Variants in CEP295 observed in about 807,000 individuals in gnomAD.
The protein encoded by CEP295 is centrosomal protein 295.
Under a neutral mutation model 291.6 loss-of-function variants are expected in CEP295, and 190 were observed. The ratio of observed to expected loss-of-function variants is 0.65; its 90% CI spans 0.58 to 0.73. The LOEUF is 0.73. Ranked by LOEUF, CEP295 falls within the 30% of genes least tolerant of loss-of-function variation. The probability of loss-of-function intolerance (pLI) is 0.00; values close to 1 mark genes in which losing one functional copy is unlikely to be tolerated. For missense variants in CEP295, 2,863 were observed against 2,949.4 expected (o/e 0.97, Z 0.68); for synonymous variants, 993 against 1,038.8 (o/e 0.96, Z 0.85).
At chr11:93,725,050 T>C (rs1591163577) in intron 22 of CEP295, among the ~76,000 whole-genome samples, 1 of 151,016 alleles carries the variant, frequency 6.6e-6, no homozygotes, top group African/African-American at 2.4e-5. Flanking sequence ...AGGCCAGGAG[T>C]TTGAGATCAG....
intron 6 of CEP295, among the ~76,000 whole-genome samples, chr11:93,678,880 G>A (rs12272963): frequency 0.037 from 5,591 of 152,052 alleles, 233 homozygotes; most frequent in African/African-American, 0.097. Flanking sequence ...TTTTTGAGAT[G>A]GAGTCTTGTT....
chr11:93,727,591 T>G lies in CEP295; in HGVS notation c.7115T>G (p.Phe2372Cys). Residue 2372 changes from phenylalanine to cysteine, a missense_variant, in exon 24 of 30, where the codon TTT (phenylalanine) becomes TGT (cysteine). Physicochemically the swap from Phe to Cys is radical, Grantham distance 205. Around this residue, in one of 3 missense-constraint regions of CEP295, gnomAD observed 2,295 missense variants for 2,335.7 expected, o/e 0.98. Coordinates refer to ENST00000325212, the MANE Select transcript of CEP295 (RefSeq NM_033395.2). ...KLSQLGESELFASSGSFSLQS... is the reference protein window; with the variant it reads ...KLSQLGESELCASSGSFSLQS... ...TCTCAACTAGGAGAATCAGAGCTTTTTGCAAGTTCTGGATCATTTTCATTA... is the reference window on the plus strand; with the variant it reads ...TCTCAACTAGGAGAATCAGAGCTTTGTGCAAGTTCTGGATCATTTTCATTA... 1.3e-6 allele frequency: 2 copies of G among 1,550,834 alleles called. No homozygotes were observed. Among genetic ancestry groups the G allele is most frequent in the Non-Finnish European group, 1.7e-6 (2 of 1,146,766 alleles).
At position 93,703,544 on chromosome 11, in the gene CEP295, T is replaced by C. The variant is rs145250805; in HGVS notation, c.5596+625T>C. ...TCCCCGTTTCCTTTCATGTCTGCCT[T>C]CTAAATGTGTTTCTTTTAGGATACA... On this transcript the variant is annotated intron_variant, in intron 17 of 29. Transcript: ENST00000325212. Among the ~76,000 whole-genome samples, 282 of 151,976 alleles carry C rather than the reference T, an allele frequency of 1.9e-3. 3 individuals carry two copies. The East Asian group carries it at 0.046, about 25-fold the overall frequency.
intron 13 of CEP295, 137 bp downstream of exon 13, chr11:93,695,771 G>A: frequency 1.0e-6 from 1 of 1,002,504 alleles, no homozygotes; most frequent in Non-Finnish European, 1.4e-6. Context: ...AGCACTTTGG[G>A]TGGCCGAGAC....
chr11:93,700,240 G>A (rs959897800), intron 15 of CEP295, 54 bp downstream of exon 15: 7 of 1,387,836 alleles, frequency 5.0e-6, no homozygotes, highest in Admixed American at 5.5e-5. Context: ...ACCCAAATCA[G>A]TTTTTAATAC....
chr11:93,705,455 C>T (rs1484478987), intron 17 of CEP295, among the ~76,000 whole-genome samples: 1 of 151,868 alleles, frequency 6.6e-6, no homozygotes, highest in African/African-American at 2.4e-5. Flanking sequence ...TTTTTCTTCT[C>T]TTTCTTTTTC....
chr11:93,685,186 C>T (rs1444359282), intron 9 of CEP295, among the ~76,000 whole-genome samples: 2 of 152,224 alleles, frequency 1.3e-5, no homozygotes, highest in African/African-American at 4.8e-5. Context: ...AAGTCCTCTT[C>T]ATGGAATTCA....
At position 93,702,769 on chromosome 11, in the gene CEP295, T is replaced by TTA. The variant is rs1304199320; in HGVS notation, c.5453-6_5453-5dup. ...TATTGTATCCAACTTTGTCATTGAC[T>TTA]TAATAGGTGAGCATCTGGAGAAAGA... On this transcript the variant is annotated splice_region_variant and splice_polypyrimidine_tract_variant and intron_variant, in intron 16 of 29. Transcript: ENST00000325212. 14 of 1,551,072 alleles carry TTA rather than the reference T, an allele frequency of 9.0e-6. No homozygotes were observed. The East Asian group carries it at 2.2e-4, about 24-fold the overall frequency.
At chr11:93,676,175 G>A (rs879278003) in intron 6 of CEP295, among the ~76,000 whole-genome samples, 27 of 151,698 alleles carry the variant, frequency 1.8e-4, no homozygotes, top group African/African-American at 4.4e-4. Context: ...TATCTTGCAC[G>A]TTTTTATCCA....
Position 93,698,791 on chromosome 11 carries a change from C to A in CEP295, c.3879C>A (p.Pro1293=), listed in dbSNP as rs763165266. The change falls in exon 15 of 30, where the codon CCC becomes CCA. Residue 1293 remains proline (P), a synonymous_variant. Coordinates refer to ENST00000325212, the MANE Select transcript of CEP295 (RefSeq NM_033395.2). ...AAACTGGTTCATCTTCATTCATACC[C>A]CAGTTGGTACAGCTTTCATTTACTT... is the stretch of plus-strand genomic sequence containing the variant. ...SEQTGSSSFI[P]QLVQLSFTSL... The A allele has an allele frequency of 1.3e-6, 2 of 1,551,556 alleles. No individual in the cohort carries two copies. The highest frequency in any genetic ancestry group is 2.0e-5 in the Admixed American group (1 of 50,982).
At chr11:93,666,931 G>A in intron 2 of CEP295, 116 bp downstream of exon 2, 2 of 582,698 alleles carry the variant, frequency 3.4e-6, no homozygotes, top group Non-Finnish European at 5.9e-6. Context: ...GTATACGAGA[G>A]CCCTGGTTAT....
chr11:93,707,026 T>C, intron 18 of CEP295, 129 bp downstream of exon 18: 1 of 792,614 alleles, frequency 1.3e-6, no homozygotes, highest in East Asian at 2.8e-5. Flanking sequence ...GGAATCGTTA[T>C]GATGCAGTTA....
chr11:93,689,433 C>A (rs1184471431), intron 10 of CEP295, among the ~76,000 whole-genome samples: 1 of 152,226 alleles, frequency 6.6e-6, no homozygotes, highest in Non-Finnish European at 1.5e-5. Flanking sequence ...TCTCAGACAG[C>A]AAACATAGGA....
chr11:93,722,459 C>G (rs1479646102), intron 20 of CEP295: 2 of 158,616 alleles, frequency 1.3e-5, no homozygotes, highest in Admixed American at 6.3e-5. Context: ...GAAACCCTGT[C>G]TCAAAAAAAA....
chr11:93,682,369 G>C (rs926863743), intron 7 of CEP295, among the ~76,000 whole-genome samples: 3 of 152,028 alleles, frequency 2.0e-5, no homozygotes, highest in Non-Finnish European at 2.9e-5. Context: ...CATTTCAGGC[G>C]CATGCCGTCA....
Position 93,728,633 on chromosome 11 carries a change from C to T in CEP295, c.7162-48C>T, listed in dbSNP as rs1162769236. ...TATATACAAAACGATTAGTTTAAGT[C>T]TTTTAAGGCTATTTTGACATGGTTT... On this transcript the variant is annotated intron_variant, in intron 24 of 29. Transcript: ENST00000325212. 5.4e-6 allele frequency: 8 copies of T among 1,480,380 alleles called. No individual in the cohort carries two copies. In the South Asian group the frequency reaches 9.5e-5, roughly 18 times the overall value. 91.7% of individuals were successfully genotyped at this position (1,480,380 alleles called of 1,614,324 possible). A position where few individuals can be genotyped will look rare whatever the true frequency, so the allele number is the denominator to read the frequency against.
intron 12 of CEP295, among the ~76,000 whole-genome samples, chr11:93,692,815 A>G (rs1951634911): frequency 1.3e-5 from 2 of 151,348 alleles, no homozygotes; most frequent in Non-Finnish European, 2.9e-5. Context: ...TCTACTAAAA[A>G]TACAAAAATC....
intron 7 of CEP295, among the ~76,000 whole-genome samples, chr11:93,681,930 C>T (rs1271446243): frequency 6.6e-6 from 1 of 151,390 alleles, no homozygotes; most frequent in East Asian, 2.0e-4. Context: ...AATGAGTTTT[C>T]CAAAGCCCTT....
At chr11:93,677,025 G>A (rs752256123) in intron 6 of CEP295, among the ~76,000 whole-genome samples, 3 of 152,060 alleles carry the variant, frequency 2.0e-5, no homozygotes, top group African/African-American at 4.8e-5. Flanking sequence ...TCAGAAATGG[G>A]TTTATTACTG....
Sources: gnomAD v4.1 joint callset for allele counts (sites outside exome capture counted in the v4.1 genomes callset) on GRCh38, gnomAD v4.1.1 for gene constraint, gnomAD v4.1.1 regional missense constraint, MANE v1.5 for transcripts, NCBI Gene and HGNC (gene_info 2026-07-23, HGNC 2026-07-21) for gene names.